The following CAPN3 variants were observed in gnomAD, a reference collection of about 807,000 sequenced individuals.
The protein encoded by CAPN3 is calpain 3.
A neutral mutation model predicts 114.0 loss-of-function variants in CAPN3; 88 were observed. That is an observed-to-expected ratio of 0.77 (90% CI 0.65 to 0.92). CAPN3 has a LOEUF of 0.92. Among genes scored for constraint, CAPN3 ranks in the 40% least tolerant of loss-of-function variants. The probability of loss-of-function intolerance (pLI) is 0.00; values close to 1 mark genes in which losing one functional copy is unlikely to be tolerated. For synonymous variants in CAPN3, 386 were observed against 382.9 expected, an observed-to-expected ratio of 1.01 and a Z score of -0.09; for missense variants, 1,028 against 1,069.0, an observed-to-expected ratio of 0.96 and a Z score of 0.53.
chr15:42,379,226 C>T (rs1344523095), intron 1 of CAPN3, among the ~76,000 whole-genome samples: 1 of 151,972 alleles, frequency 6.6e-6, no homozygotes, highest in Non-Finnish European at 1.5e-5. Flanking sequence ...GCAGGAAAAT[C>T]GCTTGAACCG....
Position 42,399,504 on chromosome 15 carries a change from G to T in CAPN3, c.1206G>T (p.Glu402Asp). 1 of 1,613,724 alleles carries T rather than the reference G, an allele frequency of 6.2e-7. No homozygotes were observed. The highest frequency in any genetic ancestry group is 8.5e-7 in the Non-Finnish European group (1 of 1,179,686). ...TCCAACCTCTCAGGATGTCCTATGA[G>T]GATTTCATCTACCATTTCACAAAGT... Reference protein sequence around the residue: ...TEDGEFWMSYEDFIYHFTKLE... With the variant: ...TEDGEFWMSYDDFIYHFTKLE... The change falls in exon 10 of 24, where the codon GAG becomes GAT. Residue 402 changes from glutamate (E) to aspartate (D), a missense_variant. Physicochemically the swap from Glu to Asp is conservative, Grantham distance 45. Coordinates refer to ENST00000397163, the MANE Select transcript of CAPN3 (RefSeq NM_000070.3).
Position 42,411,744 on chromosome 15 carries a change from C to G in CAPN3, c.2440-3C>G, listed in dbSNP as rs761757153. On this transcript the variant is annotated splice_polypyrimidine_tract_variant and splice_region_variant and intron_variant, in intron 23 of 23. Coordinates refer to ENST00000397163, the MANE Select transcript of CAPN3 (RefSeq NM_000070.3). The stretch of plus-strand genomic sequence containing the variant: ...TACATTCTGATCTTGGGACTTCTTT[C>G]AGTGGCTGCAGCTCACCATGTATGC... 22 of 1,331,166 alleles carry G rather than the reference C, an allele frequency of 1.7e-5. No individual in the cohort carries two copies. Among genetic ancestry groups the G allele is most frequent in the Non-Finnish European group, 2.2e-5 (21 of 947,384 alleles). The allele number at this position is 1,331,166 out of a possible 1,614,324, so 82.5% of individuals were successfully genotyped here.
chr15:42,405,828 A>G, intron 14 of CAPN3, 98 bp from the exon 15 acceptor site: 2 of 933,410 alleles, frequency 2.1e-6, no homozygotes, highest in Non-Finnish European at 3.5e-6. Context: ...CCCCACCCCA[A>G]GCTAAAGACC....
intron 19 of CAPN3, 37 bp downstream of exon 19, chr15:42,410,032 T>C: frequency 8.1e-6 from 13 of 1,599,014 alleles, no homozygotes; most frequent in Non-Finnish European, 1.1e-5. Flanking sequence ...CCCTCTGTCA[T>C]CAGCCCACGG....
At chr15:42,388,898 C>G in intron 4 of CAPN3, 30 bp from the exon 5 acceptor site, 3 of 1,611,486 alleles carry the variant, frequency 1.9e-6, no homozygotes, top group Non-Finnish European at 2.5e-6. Flanking sequence ...AACTCTGTGA[C>G]CCCAAATTGG....
chr15:42,405,415 A>G (rs1242811955), intron 14 of CAPN3, among the ~76,000 whole-genome samples: 1 of 152,120 alleles, frequency 6.6e-6, no homozygotes, highest in Non-Finnish European at 1.5e-5. Context: ...GGTTCAAGCA[A>G]TTCTCCTGCC....
chr15:42,410,329 C>G (rs1299835970), intron 19 of CAPN3, 99 bp from the exon 20 acceptor site: 1 of 1,050,730 alleles, frequency 9.5e-7, no homozygotes. Flanking sequence ...AATAGTACAA[C>G]AGGGCAGTGG....
Position 42,401,804 on chromosome 15 carries a change from C to G in CAPN3, c.1518C>G (p.Ile506Met), listed in dbSNP as rs1356412241. The G allele has an allele frequency of 1.2e-6, 2 of 1,613,014 alleles. No homozygotes were observed. Among genetic ancestry groups the G allele is most frequent in the South Asian group, 1.1e-5 (1 of 90,944 alleles). ...GTCTCTTCACCATTGGCTTCGCCAT[C>G]TACGAGGTGTGCAGTCCTGATTGGC... is the stretch of plus-strand genomic sequence containing the variant. ...GASLFTIGFA[I>M]YEVPKEMHGN... Residue 506 changes from isoleucine (I) to methionine (M), a missense_variant, in exon 11 of 24, where the codon ATC becomes ATG. Physicochemically the swap from Ile to Met is conservative, Grantham distance 10. Coordinates refer to ENST00000397163, the MANE Select transcript of CAPN3 (RefSeq NM_000070.3).
At chr15:42,379,750 A>G (rs1455201585) in intron 1 of CAPN3, among the ~76,000 whole-genome samples, 1 of 152,220 alleles carries the variant, frequency 6.6e-6, no homozygotes, top group African/African-American at 2.4e-5. Flanking sequence ...TCTGAAATTA[A>G]TACAACTCCA....
chr15:42,392,419 C>T lies in CAPN3; in HGVS notation c.946-220C>T, dbSNP rs75147261. ...CCACATTGCTCTCTGATGGTCAGGA[C>T]AGAGCCTTCTCAGGGAGACCAGCCT... On this transcript the variant is annotated intron_variant, in intron 6 of 23. Transcript: ENST00000397163. 1.1e-4 allele frequency among the ~76,000 whole-genome samples: 16 copies of T among 152,238 alleles called. No individual in the cohort carries two copies. The East Asian group carries it at 2.7e-3, about 26-fold the overall frequency.
Position 42,402,922 on chromosome 15 carries a change from C to T in CAPN3, c.1665C>T (p.Val555=). 6.2e-7 allele frequency: 1 copy of T among 1,614,220 alleles called. No individual in the cohort carries two copies. Among genetic ancestry groups the T allele is most frequent in the Non-Finnish European group, 8.5e-7 (1 of 1,180,022 alleles). ...QRFRLPPSEY[V]IVPSTYEPHQ... ...TCCGCCTGCCTCCCAGCGAGTACGT[C>T]ATCGTGCCCTCCACCTACGAGCCCC... The change falls in exon 13 of 24, where the codon GTC becomes GTT. Residue 555 remains valine (V), a synonymous_variant. Transcript: ENST00000397163.
chr15:42,403,467 T>C (rs919926781), intron 13 of CAPN3, among the ~76,000 whole-genome samples: 2 of 152,168 alleles, frequency 1.3e-5, no homozygotes, highest in Non-Finnish European at 2.9e-5. Flanking sequence ...CTCTGATCTC[T>C]GTCCTTGGAA....
intron 16 of CAPN3, 149 bp downstream of exon 16, chr15:42,408,473 A>G: frequency 1.5e-6 from 1 of 650,464 alleles, no homozygotes; most frequent in East Asian, 3.1e-5. Flanking sequence ...TCTTTCAGCA[A>G]GTTCCCCTGA....
intron 8 of CAPN3, among the ~76,000 whole-genome samples, chr15:42,395,562 G>T (rs984009710): frequency 2.0e-5 from 3 of 152,176 alleles, no homozygotes; most frequent in African/African-American, 2.4e-5. Context: ...CATTGGAACT[G>T]TGCTCTGTGC....
intron 8 of CAPN3, among the ~76,000 whole-genome samples, chr15:42,395,470 A>G (rs574266664): frequency 1.3e-5 from 2 of 152,314 alleles, no homozygotes; most frequent in African/African-American, 4.8e-5. Context: ...TGAGTGCCAC[A>G]GTAAGGATCA....
rs201512120 is a variant in CAPN3, at chr15:42,405,964, C to T, written c.1800+21C>T. ...CCAAGGTAGGTGTGTGGGTAGAGAGCATGAAGTGTGTGTACTCATGCATAT... is the reference window on the plus strand; with the variant it reads ...CCAAGGTAGGTGTGTGGGTAGAGAGTATGAAGTGTGTGTACTCATGCATAT... On this transcript the variant is annotated intron_variant, in intron 15 of 23. Coordinates refer to ENST00000397163, the MANE Select transcript of CAPN3 (RefSeq NM_000070.3). The T allele has an allele frequency of 1.8e-3, 2,901 of 1,607,128 alleles. 6 individuals are homozygous for T. The highest frequency in any genetic ancestry group is 2.2e-3 in the Non-Finnish European group (2,613 of 1,173,682).
chr15:42,411,239 G>A (rs777836980), intron 22 of CAPN3, 48 bp from the exon 23 acceptor site: 6 of 1,499,410 alleles, frequency 4.0e-6, no homozygotes, highest in Non-Finnish European at 5.6e-6. Flanking sequence ...CAGTAGTAGA[G>A]GCGGAGTGCG....
rs752483058 is a variant in CAPN3 at position 42,390,089 on chromosome 15, C to T, written c.938C>T (p.Pro313Leu). 4.5e-5 allele frequency: 73 copies of T among 1,614,014 alleles called. No homozygotes were observed. Among genetic ancestry groups the T allele is most frequent in the Non-Finnish European group, 5.7e-5 (67 of 1,180,026 alleles). Reference sequence around the variant, plus strand: ...GACCCCAGAGGCTCAGATGAAAGACCGACCCGGGTGTGTACACCTCCGATT... The same window carrying T: ...GACCCCAGAGGCTCAGATGAAAGACTGACCCGGGTGTGTACACCTCCGATT... ...DLDPRGSDER[P>L]TRTIIPVQYE... The change falls in exon 6 of 24, where the codon CCG becomes CTG. Residue 313 changes from proline to leucine, a missense_variant. Transcript: ENST00000397163.
At chr15:42,404,674 G>A in intron 14 of CAPN3, 2 of 1,186,040 alleles carry the variant, frequency 1.7e-6, no homozygotes, top group South Asian at 3.2e-5. Context: ...TTGGGGCTTT[G>A]GGCTGTAGTC....
Sources: gnomAD v4.1 joint callset for allele counts (sites outside exome capture counted in the v4.1 genomes callset) on GRCh38, gnomAD v4.1.1 for gene constraint, MANE v1.5 for transcripts, NCBI Gene and HGNC (gene_info 2026-07-23, HGNC 2026-07-21) for gene names.